The following ZEB1 variants were observed in gnomAD, a reference collection of about 807,000 sequenced individuals.
ZEB1 encodes the protein zinc finger E-box binding homeobox 1.
In ZEB1, 21 loss-of-function variants were observed where a neutral mutation model predicts 84.9. The ratio of observed to expected loss-of-function variants is 0.25; its 90% CI spans 0.18 to 0.36. The LOEUF (loss-of-function observed/expected upper bound fraction) is 0.36. Ranked by LOEUF, ZEB1 falls within the 10% of genes least tolerant of loss-of-function variation. The pLI, the probability that ZEB1 is intolerant of heterozygous loss-of-function variation, is 1.00. For missense variants in ZEB1, 1,104 were observed against 1,330.2 expected, an observed-to-expected ratio of 0.83 and a Z score of 2.65; for synonymous variants, 420 against 471.1, an observed-to-expected ratio of 0.89 and a Z score of 1.41.
chr10:31,446,920 C>G (rs967650358), intron 1 of ZEB1, among the ~76,000 whole-genome samples: 2 of 152,068 alleles, frequency 1.3e-5, no homozygotes, highest in Admixed American at 1.3e-4. Flanking sequence ...CTGTAGATGT[C>G]TATTAGGTCT....
intron 1 of ZEB1, among the ~76,000 whole-genome samples, chr10:31,356,091 C>T (rs1336977951): frequency 6.6e-6 from 1 of 151,942 alleles, no homozygotes; most frequent in African/African-American, 2.4e-5. Flanking sequence ...TATTGTTCCA[C>T]CTATAGAATC....
rs1016041067 is a variant in ZEB1, at chr10:31,527,486, T to C, written c.*222T>C. 3.4e-6 allele frequency: 2 copies of C among 584,722 alleles called. No homozygotes were observed. Among genetic ancestry groups the C allele is most frequent in the African/African-American group, 3.8e-5 (2 of 53,250 alleles). 36.2% of individuals were successfully genotyped at this position (584,722 alleles called of 1,614,324 possible). ...TCCGGGTGTGCCTGAACCTCAGACC[T>C]AGTAATTTTTCATGCAGTTTTCAAA... On this transcript the variant is annotated 3_prime_UTR_variant, in exon 9 of 9. Coordinates refer to ENST00000424869, the MANE Select transcript of ZEB1 (RefSeq NM_001174096.2).
chr10:31,385,316 G>C (rs1274142060), intron 1 of ZEB1, among the ~76,000 whole-genome samples: 3 of 152,144 alleles, frequency 2.0e-5, no homozygotes, highest in African/African-American at 7.2e-5. Context: ...ACATTGTCCA[G>C]TATGTTTTGA....
chr10:31,332,585 C>T (rs2037026520), intron 1 of ZEB1, among the ~76,000 whole-genome samples: 1 of 152,052 alleles, frequency 6.6e-6, no homozygotes, highest in Non-Finnish European at 1.5e-5. Flanking sequence ...CTTTATTTAC[C>T]TGAATGTTTC....
chr10:31,395,872 A>G (rs530918124), intron 1 of ZEB1, among the ~76,000 whole-genome samples: 55 of 152,328 alleles, frequency 3.6e-4, no homozygotes, highest in African/African-American at 1.2e-3. Flanking sequence ...GCCAGTTATG[A>G]TTCAGTGCTA....
At chr10:31,408,305 A>C (rs1421141260) in intron 1 of ZEB1, among the ~76,000 whole-genome samples, 1 of 150,852 alleles carries the variant, frequency 6.6e-6, no homozygotes, top group African/African-American at 2.4e-5. Context: ...ATATCGTGAA[A>C]ATGGCCATAC....
At chr10:31,319,382 G>A (rs928046203) in intron 1 of ZEB1, 90 bp downstream of exon 1, 36 of 1,297,260 alleles carry the variant, frequency 2.8e-5, no homozygotes, top group South Asian at 6.3e-5. Context: ...GAGCCGGGCT[G>A]GGGGCAGCCG....
intron 1 of ZEB1, among the ~76,000 whole-genome samples, chr10:31,424,575 G>C (rs1348640822): frequency 2.0e-5 from 3 of 151,800 alleles, no homozygotes; most frequent in Non-Finnish European, 2.9e-5. Flanking sequence ...TACCTTCTTT[G>C]TTTCATTTCA....
At chr10:31,491,910 G>C (rs1576053) in intron 2 of ZEB1, among the ~76,000 whole-genome samples, 1 of 151,902 alleles carries the variant, frequency 6.6e-6, no homozygotes, top group Non-Finnish European at 1.5e-5. Context: ...GCAGGAAAAT[G>C]AAACTATCTG....
chr10:31,388,565 C>T (rs2049049946), intron 1 of ZEB1, among the ~76,000 whole-genome samples: 1 of 151,956 alleles, frequency 6.6e-6, no homozygotes, highest in East Asian at 1.9e-4. Flanking sequence ...AACCAATTTA[C>T]TTTTTTTGTA....
intron 1 of ZEB1, among the ~76,000 whole-genome samples, chr10:31,418,262 G>A (rs923633030): frequency 6.6e-6 from 1 of 151,858 alleles, no homozygotes; most frequent in Admixed American, 6.6e-5. Flanking sequence ...GCAGACAAGA[G>A]CAGGAGGATT....
intron 1 of ZEB1, among the ~76,000 whole-genome samples, chr10:31,411,185 A>G (rs181414089): frequency 2.0e-5 from 3 of 152,232 alleles, no homozygotes; most frequent in Non-Finnish European, 4.4e-5. Context: ...AGTGCAATCA[A>G]ATTAGAACTC....
At chr10:31,460,124 C>T (rs1458348363) in intron 1 of ZEB1, among the ~76,000 whole-genome samples, 1 of 151,782 alleles carries the variant, frequency 6.6e-6, no homozygotes, top group African/African-American at 2.4e-5. Flanking sequence ...AATATTCATC[C>T]TGTTAGAGTG....
At chr10:31,433,575 G>T (rs989870692) in intron 1 of ZEB1, among the ~76,000 whole-genome samples, 1 of 152,206 alleles carries the variant, frequency 6.6e-6, no homozygotes, top group East Asian at 1.9e-4. Flanking sequence ...AATTCCAGGA[G>T]TGATTTTCCA....
At chr10:31,434,275 CT>C (rs1486396382) in intron 1 of ZEB1, among the ~76,000 whole-genome samples, 1 of 152,162 alleles carries the variant, frequency 6.6e-6, no homozygotes, top group Non-Finnish European at 1.5e-5. Context: ...TGTTTATGTG[CT>C]TTTAAATGCA....
At chr10:31,353,109 C>T (rs1357291230) in intron 1 of ZEB1, among the ~76,000 whole-genome samples, 1 of 152,198 alleles carries the variant, frequency 6.6e-6, no homozygotes, top group South Asian at 2.1e-4. Flanking sequence ...GTCTTCTCAT[C>T]TGTATGACAG....
chr10:31,366,975 A>G (rs958561922), intron 1 of ZEB1, among the ~76,000 whole-genome samples: 1 of 152,164 alleles, frequency 6.6e-6, no homozygotes, highest in Non-Finnish European at 1.5e-5. Context: ...TCTACTCACA[A>G]ATATTTTTGT....
chr10:31,386,065 CT>C (rs1388155339), intron 1 of ZEB1, among the ~76,000 whole-genome samples: 4 of 152,002 alleles, frequency 2.6e-5, no homozygotes, highest in African/African-American at 9.7e-5. Flanking sequence ...AGAATTATAG[CT>C]ATAGACAACC....
intron 2 of ZEB1, among the ~76,000 whole-genome samples, chr10:31,470,017 G>A (rs1051615578): frequency 6.6e-6 from 1 of 151,914 alleles, no homozygotes; most frequent in Non-Finnish European, 1.5e-5. Flanking sequence ...CTGTTAGAAG[G>A]AAAACTAACA....
Sources: gnomAD v4.1 joint callset for allele counts (sites outside exome capture counted in the v4.1 genomes callset) on GRCh38, gnomAD v4.1.1 for gene constraint, MANE v1.5 for transcripts, NCBI Gene and HGNC (gene_info 2026-07-23, HGNC 2026-07-21) for gene names.